MTUS1: variants seen among roughly 807,000 people sequenced by gnomAD.
The protein encoded by MTUS1 is microtubule-associated tumor suppressor 1.
Under a neutral mutation model 120.8 loss-of-function variants are expected in MTUS1, and 109 were observed. That is an observed-to-expected ratio of 0.90 (90% CI 0.77 to 1.06). The LOEUF (loss-of-function observed/expected upper bound fraction) is 1.06. MTUS1 is among the 50% of genes least tolerant of loss of function. The probability of loss-of-function intolerance (pLI) is 0.00; values close to 1 mark genes in which losing one functional copy is unlikely to be tolerated. For synonymous variants in MTUS1, 737 were observed against 550.5 expected, an observed-to-expected ratio of 1.34 and a Z score of -4.74; for missense variants, 2,210 against 1,486.3, an observed-to-expected ratio of 1.49 and a Z score of -8.01.
At chr8:17,741,208 C>A (rs2047296051) in intron 3 of MTUS1, among the ~76,000 whole-genome samples, 2 of 152,154 alleles carry the variant, frequency 1.3e-5, no homozygotes, top group Admixed American at 1.3e-4. Flanking sequence ...AAGGGCACCA[C>A]CCCTACTGGA....
chr8:17,742,076 C>T (rs952599231), intron 3 of MTUS1, among the ~76,000 whole-genome samples: 26 of 152,012 alleles, frequency 1.7e-4, no homozygotes, highest in African/African-American at 5.8e-4. Flanking sequence ...TGGACAACTA[C>T]AGTAAGGACC....
intron 9 of MTUS1, chr8:17,655,005 C>G (rs996699387): frequency 1.8e-5 from 4 of 227,588 alleles, no homozygotes; most frequent in African/African-American, 8.9e-5. Context: ...CTTCCCTACC[C>G]TCAGGAACAC....
At chr8:17,657,394 C>T (rs1438188317) in intron 8 of MTUS1, among the ~76,000 whole-genome samples, 2 of 151,082 alleles carry the variant, frequency 1.3e-5, no homozygotes, top group Non-Finnish European at 3.0e-5. Flanking sequence ...CGGTGAAACC[C>T]CGTCTCTACT....
chr8:17,756,001 A>C, intron 1 of MTUS1, 40 bp from the exon 2 acceptor site: 1 of 1,308,508 alleles, frequency 7.6e-7, no homozygotes, highest in Non-Finnish European at 1.0e-6. Flanking sequence ...AACTATAAGA[A>C]AAATTAACAG....
intron 1 of MTUS1, among the ~76,000 whole-genome samples, chr8:17,788,479 G>GT (rs2051494931): frequency 6.6e-6 from 1 of 152,084 alleles, no homozygotes; most frequent in African/African-American, 2.4e-5. Flanking sequence ...ATGTTTTACT[G>GT]TTACATCCTG....
intron 3 of MTUS1, among the ~76,000 whole-genome samples, chr8:17,726,274 A>T (rs1370259714): frequency 6.6e-6 from 1 of 152,214 alleles, no homozygotes; most frequent in African/African-American, 2.4e-5. Flanking sequence ...ACTGTTGAGA[A>T]TCAGGACCTC....
intron 8 of MTUS1, among the ~76,000 whole-genome samples, chr8:17,658,900 C>G (rs551583043): frequency 1.3e-5 from 2 of 151,986 alleles, no homozygotes; most frequent in African/African-American, 4.8e-5. Flanking sequence ...GGAATAGTGT[C>G]TGCCAAAGAG....
At chr8:17,716,008 C>A (rs770771851) in intron 4 of MTUS1, 107 bp from the exon 5 acceptor site, 4 of 976,562 alleles carry the variant, frequency 4.1e-6, no homozygotes, top group Non-Finnish European at 4.6e-6. Flanking sequence ...TAAGCACCTA[C>A]GACATGCCAG....
At chr8:17,666,242 G>C (rs116038571) in intron 8 of MTUS1, among the ~76,000 whole-genome samples, 2,235 of 150,146 alleles carry the variant, frequency 0.015, 59 homozygotes, top group African/African-American at 0.051. Context: ...AAGTGAGGCT[G>C]ACTTTAAAGG....
intron 1 of MTUS1, among the ~76,000 whole-genome samples, chr8:17,800,357 C>G (rs537214404): frequency 8.5e-5 from 13 of 152,170 alleles, no homozygotes; most frequent in Non-Finnish European, 1.8e-4. Flanking sequence ...TTGAAACAAA[C>G]AAAACACACT....
intron 1 of MTUS1, among the ~76,000 whole-genome samples, chr8:17,775,224 A>C (rs546453852): frequency 6.6e-6 from 1 of 152,330 alleles, no homozygotes; most frequent in East Asian, 1.9e-4. Flanking sequence ...CCGTACACTC[A>C]AAAATGGTTG....
Position 17,679,273 on chromosome 8 carries a change from A to T in MTUS1, c.2839-4021T>A, listed in dbSNP as rs556893762. Among the ~76,000 whole-genome samples, 8 of 152,136 alleles carry T rather than the reference A, an allele frequency of 5.3e-5. 1 individual carries two copies. In the South Asian group the frequency reaches 1.7e-3, roughly 32 times the overall value. ...TAGACATACAATGTATAGGTATATC[A>T]TGTATATAAAAAACATACATAATGT... is the stretch of plus-strand genomic sequence containing the variant. On this transcript the variant is annotated intron_variant, in intron 7 of 14. Transcript: ENST00000693296.
intron 1 of MTUS1, among the ~76,000 whole-genome samples, chr8:17,770,029 C>G (rs948774813): frequency 1.7e-4 from 26 of 151,956 alleles, no homozygotes; most frequent in Admixed American, 6.6e-5. Flanking sequence ...GTATATAATA[C>G]ATAATAATTT....
chr8:17,681,940 G>A (rs2410500), intron 7 of MTUS1, among the ~76,000 whole-genome samples: 71,248 of 151,880 alleles, frequency 0.47, 17,154 homozygotes, highest in East Asian at 0.57. Flanking sequence ...CAATATAAAA[G>A]TTGTTAATGA....
intron 6 of MTUS1, chr8:17,697,732 G>C (rs891642153): frequency 1.9e-5 from 19 of 995,870 alleles, no homozygotes; most frequent in Non-Finnish European, 2.3e-5. Context: ...GAAAGTGGGT[G>C]GTCTCAGGAG....
intron 6 of MTUS1, chr8:17,704,048 C>G (rs972279953): frequency 6.5e-6 from 1 of 152,838 alleles, no homozygotes; most frequent in Non-Finnish European, 1.5e-5. Context: ...AAATTCCTCT[C>G]TTTGTACTCT....
intron 1 of MTUS1, among the ~76,000 whole-genome samples, chr8:17,762,056 G>T (rs188561511): frequency 6.6e-6 from 1 of 152,110 alleles, no homozygotes; most frequent in Non-Finnish European, 1.5e-5. Flanking sequence ...GAGGTGGGCG[G>T]ATCACTTGAG....
chr8:17,798,321 A>C (rs1214745068), intron 1 of MTUS1, among the ~76,000 whole-genome samples: 1 of 151,946 alleles, frequency 6.6e-6, no homozygotes, highest in Non-Finnish European at 1.5e-5. Context: ...AAAAGATTCT[A>C]ATTTAGAATT....
chr8:17,788,357 C>T (rs546900986), intron 1 of MTUS1, among the ~76,000 whole-genome samples: 13 of 152,188 alleles, frequency 8.5e-5, no homozygotes, highest in East Asian at 1.9e-4. Context: ...AGATTTTTTC[C>T]GCATTCTTTT....
Sources: allele counts gnomAD v4.1 joint callset (sites outside exome capture counted in the v4.1 genomes callset), GRCh38; gene constraint gnomAD v4.1.1; transcripts MANE v1.5; gene names NCBI Gene and HGNC (gene_info 2026-07-23, HGNC 2026-07-21).